Variants in MSRA observed in about 807,000 individuals in gnomAD.
MSRA encodes the protein methionine sulfoxide reductase A, also known as mitochondrial peptide methionine sulfoxide reductase.
In MSRA, 54 loss-of-function variants were observed where a neutral mutation model predicts 31.3. That is an observed-to-expected ratio of 1.73 (90% CI 1.39 to 2.17). The LOEUF is 2.17. Ranked by LOEUF, MSRA falls within the 30% of genes most tolerant of loss-of-function variation. The pLI is 0.00. For missense variants in MSRA, 507 were observed against 300.9 expected (o/e 1.69, Z -5.07); for synonymous variants, 169 against 116.5 (o/e 1.45, Z -2.90).
rs7845970 is a variant in MSRA, at chr8:10,313,021, C to G, written c.437-6862C>G. Reference sequence around the variant, plus strand: ...GGGGGTCCTAGCTCATGCAGTAAGTCAAGGAAAGAATACATGTATGCTGAT... The same window carrying G: ...GGGGGTCCTAGCTCATGCAGTAAGTGAAGGAAAGAATACATGTATGCTGAT... On this transcript the variant is annotated intron_variant, in intron 4 of 5. Coordinates refer to ENST00000317173, the MANE Select transcript of MSRA (RefSeq NM_012331.5). Among the ~76,000 whole-genome samples, 1,519 of 152,246 alleles carry G rather than the reference C, an allele frequency of 1.0e-2. 27 individuals carry two copies. Among genetic ancestry groups the G allele is most frequent in the African/African-American group, 0.035 (1,470 of 41,540 alleles).
intron 3 of MSRA, among the ~76,000 whole-genome samples, chr8:10,254,983 A>AT (rs1459950630): frequency 6.6e-6 from 1 of 152,204 alleles, no homozygotes; most frequent in Non-Finnish European, 1.5e-5. Context: ...TGAAACTTTT[A>AT]TTAGGCATTA....
chr8:10,079,095 C>A (rs1313307308), intron 1 of MSRA, among the ~76,000 whole-genome samples: 1 of 152,126 alleles, frequency 6.6e-6, no homozygotes, highest in Admixed American at 6.5e-5. Context: ...TTTAGCGTTG[C>A]CCGCAGGCTC....
At chr8:10,084,212 C>G (rs975938062) in intron 1 of MSRA, among the ~76,000 whole-genome samples, 3 of 152,182 alleles carry the variant, frequency 2.0e-5, no homozygotes, top group Admixed American at 6.5e-5. Flanking sequence ...GGTGGTTTTC[C>G]TAGCGCTTCT....
At chr8:10,267,537 C>G (rs1585317479) in intron 3 of MSRA, among the ~76,000 whole-genome samples, 1 of 152,254 alleles carries the variant, frequency 6.6e-6, no homozygotes, top group South Asian at 2.1e-4. Flanking sequence ...TTATCTAGGG[C>G]TGGGGCAAGT....
In MSRA at chr8:10,244,343, A is replaced by C. The variant is rs1040127682; in HGVS notation, c.212-761A>C. On this transcript the variant is annotated intron_variant, in intron 2 of 5. Coordinates refer to ENST00000317173, the MANE Select transcript of MSRA (RefSeq NM_012331.5). ...CATGGCAACATTTGCGACGTGCGTG[A>C]GTGTGTGTGCTCTTGGGAGATGGGT... is the stretch of plus-strand genomic sequence containing the variant. 6.6e-5 allele frequency among the ~76,000 whole-genome samples: 10 copies of C among 152,134 alleles called. No individual in the cohort carries two copies. In the East Asian group the frequency reaches 1.9e-3, roughly 29 times the overall value.
At position 10,277,257 on chromosome 8, in the gene MSRA, T is replaced by C. The variant is rs889732540; in HGVS notation, c.332-24277T>C. ...CTTACAATAATTTAGCTAATGAAAG[T>C]ACATGTCCAGGTATTTTTCTGAGGT... On this transcript the variant is annotated intron_variant, in intron 3 of 5. Transcript: ENST00000317173. Among the ~76,000 whole-genome samples the C allele has an allele frequency of 8.5e-5, 13 of 152,332 alleles. 1 individual carries two copies. Among genetic ancestry groups the C allele is most frequent in the African/African-American group, 3.1e-4 (13 of 41,586 alleles).
chr8:10,258,268 C>G (rs1223834108), intron 3 of MSRA, among the ~76,000 whole-genome samples: 1 of 151,640 alleles, frequency 6.6e-6, no homozygotes, highest in African/African-American at 2.4e-5. Context: ...TCAAAGAGAA[C>G]AAGAAAGTAC....
intron 1 of MSRA, among the ~76,000 whole-genome samples, chr8:10,207,600 A>G (rs2129059932): frequency 6.6e-6 from 1 of 152,254 alleles, no homozygotes; most frequent in Non-Finnish European, 1.5e-5. Context: ...AGCTCTGCAC[A>G]AGCTCAGACC....
At chr8:10,221,913 G>A (rs994764120) in intron 2 of MSRA, among the ~76,000 whole-genome samples, 4 of 152,192 alleles carry the variant, frequency 2.6e-5, no homozygotes, top group African/African-American at 9.7e-5. Flanking sequence ...GGAGGCCTGT[G>A]TGGCTGGCGT....
intron 1 of MSRA, among the ~76,000 whole-genome samples, chr8:10,163,564 C>T (rs1804855791): frequency 6.6e-6 from 1 of 152,216 alleles, no homozygotes; most frequent in Non-Finnish European, 1.5e-5. Flanking sequence ...ATTCCTGTTT[C>T]TGCCCCACGC....
At chr8:10,071,515 G>C (rs1016399165) in intron 1 of MSRA, among the ~76,000 whole-genome samples, 8 of 142,744 alleles carry the variant, frequency 5.6e-5, no homozygotes, top group Non-Finnish European at 1.2e-4. Flanking sequence ...ATTCTGATGA[G>C]TTCCAGCTTC....
chr8:10,379,691 A>T (rs1417460792), intron 5 of MSRA, among the ~76,000 whole-genome samples: 1 of 152,164 alleles, frequency 6.6e-6, no homozygotes, highest in African/African-American at 2.4e-5. Flanking sequence ...GGGGCCACGT[A>T]CATAACACTA....
chr8:10,416,180 G>A (rs776633538), intron 5 of MSRA, among the ~76,000 whole-genome samples: 4 of 152,168 alleles, frequency 2.6e-5, no homozygotes, highest in South Asian at 4.1e-4. Context: ...AGAGCACCTC[G>A]CGGGCAGGGC....
At chr8:10,125,056 C>T (rs1801401413) in intron 1 of MSRA, among the ~76,000 whole-genome samples, 1 of 152,188 alleles carries the variant, frequency 6.6e-6, no homozygotes, top group Non-Finnish European at 1.5e-5. Context: ...CTTGATGAAA[C>T]ACTAGTTGCT....
chr8:10,131,786 C>T (rs978536211), intron 1 of MSRA, among the ~76,000 whole-genome samples: 4 of 152,076 alleles, frequency 2.6e-5, no homozygotes, highest in Non-Finnish European at 4.4e-5. Context: ...AGCTGGGAGG[C>T]GATGCTGGGA....
At chr8:10,340,614 C>A (rs1161751871) in intron 5 of MSRA, among the ~76,000 whole-genome samples, 2 of 152,356 alleles carry the variant, frequency 1.3e-5, no homozygotes, top group East Asian at 3.9e-4. Context: ...CTCAAGTGAT[C>A]CGCCTGCCTC....
At chr8:10,220,462 A>G (rs1810391461) in intron 2 of MSRA, among the ~76,000 whole-genome samples, 1 of 152,232 alleles carries the variant, frequency 6.6e-6, no homozygotes, top group Non-Finnish European at 1.5e-5. Flanking sequence ...CTGAGTGAAC[A>G]CATAGTCAGA....
At chr8:10,200,099 A>T (rs1017275450) in intron 1 of MSRA, among the ~76,000 whole-genome samples, 4 of 151,124 alleles carry the variant, frequency 2.6e-5, no homozygotes, top group Non-Finnish European at 5.9e-5. Flanking sequence ...CTGGGGAGGT[A>T]TGGGGGTTGC....
At chr8:10,111,366 T>A (rs1800265939) in intron 1 of MSRA, among the ~76,000 whole-genome samples, 1 of 152,160 alleles carries the variant, frequency 6.6e-6, no homozygotes, top group Admixed American at 6.5e-5. Flanking sequence ...CACCACTGCG[T>A]CTTCTCTCTC....
Sources: gnomAD v4.1 joint callset for allele counts (sites outside exome capture counted in the v4.1 genomes callset) on GRCh38, gnomAD v4.1.1 for gene constraint, MANE v1.5 for transcripts, NCBI Gene and HGNC (gene_info 2026-07-23, HGNC 2026-07-21) for gene names.